WDFY3: variants seen among roughly 807,000 people sequenced by gnomAD.
WDFY3 encodes WD repeat and FYVE domain containing 3.
WDFY3 carries 66 observed loss-of-function variants against 409.6 expected under a neutral mutation model. The observed-to-expected ratio is 0.16, with a 90% CI of 0.13 to 0.20. The LOEUF (loss-of-function observed/expected upper bound fraction) is 0.20. Ranked by LOEUF, WDFY3 falls within the 10% of genes least tolerant of loss-of-function variation. The pLI is 1.00. For synonymous variants in WDFY3, 1,521 were observed against 1,537.1 expected (o/e 0.99, Z 0.25); for missense variants, 3,031 against 4,298.1 (o/e 0.71, Z 8.24).
intron 1 of WDFY3, among the ~76,000 whole-genome samples, chr4:84,961,207 C>T (rs1211656939): frequency 7.3e-6 from 1 of 137,610 alleles, no homozygotes; most frequent in East Asian, 2.1e-4. Context: ...AAAAGCAAGA[C>T]TCTGTCTCAA....
intron 56 of WDFY3, among the ~76,000 whole-genome samples, chr4:84,699,866 T>C (rs1347669456): frequency 6.6e-6 from 1 of 151,978 alleles, no homozygotes; most frequent in Non-Finnish European, 1.5e-5. Context: ...ATTTGGGAAA[T>C]TGTCTATTCA....
intron 44 of WDFY3, 59 bp from the exon 45 acceptor site, chr4:84,726,970 A>C (rs1735765530): frequency 6.7e-7 from 1 of 1,487,034 alleles, no homozygotes; most frequent in Admixed American, 2.3e-5. Context: ...GAGGAACACA[A>C]AAATAAAATT....
intron 1 of WDFY3, among the ~76,000 whole-genome samples, chr4:84,947,102 C>T (rs534781765): frequency 5.3e-5 from 8 of 151,774 alleles, no homozygotes; most frequent in African/African-American, 1.2e-4. Context: ...CCACCGTGCC[C>T]GGCCAATTTA....
At chr4:84,790,751 A>C (rs1437478222) in intron 21 of WDFY3, among the ~76,000 whole-genome samples, 2 of 152,216 alleles carry the variant, frequency 1.3e-5, no homozygotes, top group Admixed American at 1.3e-4. Context: ...AAACTACTAG[A>C]ACTCAATAGT....
At chr4:84,738,165 C>T (rs923560168) in intron 40 of WDFY3, among the ~76,000 whole-genome samples, 3 of 152,088 alleles carry the variant, frequency 2.0e-5, no homozygotes, top group Non-Finnish European at 4.4e-5. Flanking sequence ...GTAAAACTAT[C>T]GCACAGTATT....
At chr4:84,745,076 A>G (rs1256181257) in intron 36 of WDFY3, among the ~76,000 whole-genome samples, 2 of 151,844 alleles carry the variant, frequency 1.3e-5, no homozygotes, top group African/African-American at 2.4e-5. Flanking sequence ...TAGAGCACAA[A>G]GTTAAACTGT....
rs529160444 is a variant in WDFY3 at position 84,852,475 on chromosome 4, T to C, written c.181-2450A>G. 3.3e-5 allele frequency among the ~76,000 whole-genome samples: 5 copies of C among 152,364 alleles called. No homozygotes were observed. In the East Asian group the frequency reaches 7.7e-4, roughly 23 times the overall value. ...AACAAACAATGTAATATCCTTCTAA[T>C]AGAAAATGTGTTTCTTACATGTTTC... On this transcript the variant is annotated intron_variant, in intron 4 of 67. Transcript: ENST00000295888.
rs774554974 is a variant in WDFY3, at chr4:84,713,144, G to C, written c.8042+15C>G. 7 of 1,612,894 alleles carry C rather than the reference G, an allele frequency of 4.3e-6. No homozygotes were observed. The African/African-American group carries it at 8.0e-5, about 18-fold the overall frequency. On this transcript the variant is annotated intron_variant, in intron 51 of 67. Transcript: ENST00000295888. Reference sequence around the variant, plus strand: ...TCACTATTAAACTGTAACATGCAAGGAACAAACCACCTACCCCTGCTCCAC... The same window carrying C: ...TCACTATTAAACTGTAACATGCAAGCAACAAACCACCTACCCCTGCTCCAC...
chr4:84,901,265 C>T (rs1766301776), intron 2 of WDFY3, among the ~76,000 whole-genome samples: 1 of 152,166 alleles, frequency 6.6e-6, no homozygotes, highest in African/African-American at 2.4e-5. Flanking sequence ...TTTAATGCTC[C>T]AATGTGGCAG....
intron 5 of WDFY3, among the ~76,000 whole-genome samples, chr4:84,844,822 C>T (rs1157248528): frequency 1.3e-5 from 2 of 152,166 alleles, no homozygotes; most frequent in Admixed American, 1.3e-4. Flanking sequence ...TCTTAAGATA[C>T]ACCCTCTATA....
intron 13 of WDFY3, among the ~76,000 whole-genome samples, chr4:84,812,386 G>C (rs913107868): frequency 1.3e-5 from 2 of 151,910 alleles, no homozygotes; most frequent in Non-Finnish European, 1.5e-5. Context: ...TTATAACACA[G>C]GCTGAAGATG....
chr4:84,950,737 C>T (rs1431018188), intron 1 of WDFY3, among the ~76,000 whole-genome samples: 2 of 152,094 alleles, frequency 1.3e-5, no homozygotes, highest in African/African-American at 2.4e-5. Flanking sequence ...CTGCAGTGAG[C>T]GGAGATAGCA....
At chr4:84,727,476 G>A (rs1482831783) in intron 44 of WDFY3, among the ~76,000 whole-genome samples, 1 of 152,110 alleles carries the variant, frequency 6.6e-6, no homozygotes, top group Non-Finnish European at 1.5e-5. Flanking sequence ...CCCAGAAAGG[G>A]TGAAAGCAGA....
Position 84,678,999 on chromosome 4 carries a change from G to A in WDFY3, c.10067C>T (p.Thr3356Ile). 6.2e-7 allele frequency: 1 copy of A among 1,614,224 alleles called. No homozygotes were observed. The highest frequency in any genetic ancestry group is 8.5e-7 in the Non-Finnish European group (1 of 1,180,046). Residue 3356 changes from threonine to isoleucine, a missense_variant, in exon 65 of 68, where the codon ACC becomes ATC. This residue lies in a region of WDFY3 where 378 missense variants were observed against 477.3 expected (regional missense o/e 0.79). Transcript: ENST00000295888. The part of the protein sequence containing the change: ...FIFVNYSEGQ[T>I]RAHLQGPLSH... ...AAGGGGGCCCTGCAGATGGGCTCTG[G>A]TCTGGCCCTCTGAATAGTTCACAAA... is the stretch of plus-strand genomic sequence containing the variant.
intron 2 of WDFY3, among the ~76,000 whole-genome samples, chr4:84,925,696 T>C (rs1013409615): frequency 6.6e-6 from 1 of 152,174 alleles, no homozygotes; most frequent in Non-Finnish European, 1.5e-5. Context: ...TTTTTACATA[T>C]GGTAATTAAT....
At position 84,755,257 on chromosome 4, in the gene WDFY3, T is replaced by A; in HGVS notation, c.5559+9A>T. The A allele has an allele frequency of 6.2e-7, 1 of 1,610,394 alleles. No individual in the cohort carries two copies. The highest frequency in any genetic ancestry group is 8.5e-7 in the Non-Finnish European group (1 of 1,178,986). ...TTCTCAATAGGCCTGGGCATTTGAG[T>A]GAACTTACTGAAGTCAGCATGCTGC... On this transcript the variant is annotated intron_variant, in intron 34 of 67. Transcript: ENST00000295888.
intron 3 of WDFY3, among the ~76,000 whole-genome samples, chr4:84,867,742 T>A (rs1761592015): frequency 6.6e-6 from 1 of 152,232 alleles, no homozygotes. Flanking sequence ...TTTGAGTAGC[T>A]CTGCTGAAAA....
intron 1 of WDFY3, among the ~76,000 whole-genome samples, chr4:84,953,750 C>T (rs770472250): frequency 4.6e-5 from 7 of 151,826 alleles, no homozygotes; most frequent in Non-Finnish European, 5.9e-5. Flanking sequence ...ATATTTTTCC[C>T]CAAGAAACCT....
chr4:84,942,838 G>A (rs1321545259), intron 1 of WDFY3, among the ~76,000 whole-genome samples: 1 of 152,006 alleles, frequency 6.6e-6, no homozygotes. Flanking sequence ...TATATGTTTT[G>A]CAAGTATATT....
Sources: allele counts gnomAD v4.1 joint callset (sites outside exome capture counted in the v4.1 genomes callset), GRCh38; gene constraint gnomAD v4.1.1; regional missense constraint gnomAD v4.1.1; transcripts MANE v1.5; gene names NCBI Gene and HGNC (gene_info 2026-07-23, HGNC 2026-07-21).